The following RBFOX1 variants were observed in gnomAD, a reference collection of about 807,000 sequenced individuals.
RBFOX1 encodes RNA binding protein fox-1 homolog 1.
In RBFOX1, 8 loss-of-function variants were observed where a neutral mutation model predicts 57.7. The observed-to-expected ratio is 0.14, with a 90% CI of 0.08 to 0.25. The LOEUF (loss-of-function observed/expected upper bound fraction) is 0.25, where lower values mean the gene tolerates loss of function less well. Ranked by LOEUF, RBFOX1 falls within the 10% of genes least tolerant of loss-of-function variation. The pLI, the probability that RBFOX1 is intolerant of heterozygous loss-of-function variation, is 1.00. For missense variants in RBFOX1, 611 were observed against 548.5 expected, an observed-to-expected ratio of 1.11 and a Z score of -1.14; for synonymous variants, 326 against 222.4, an observed-to-expected ratio of 1.47 and a Z score of -4.15.
intron 4 of RBFOX1, among the ~76,000 whole-genome samples, chr16:5,919,554 G>A (rs2058775196): frequency 6.6e-6 from 1 of 152,110 alleles, no homozygotes; most frequent in Non-Finnish European, 1.5e-5. Flanking sequence ...ATGTTGGTCA[G>A]GTGGGTCCCA....
intron 4 of RBFOX1, among the ~76,000 whole-genome samples, chr16:5,974,374 C>T (rs549540328): frequency 2.7e-4 from 41 of 151,304 alleles, no homozygotes; most frequent in East Asian, 2.0e-4. Context: ...GTTGGGAGGC[C>T]GAGGCGGGTA....
chr16:6,238,155 T>C (rs895333101), intron 1 of RBFOX1, among the ~76,000 whole-genome samples: 4 of 151,556 alleles, frequency 2.6e-5, no homozygotes, highest in Non-Finnish European at 2.9e-5. Context: ...ATTAGAAATG[T>C]CTGTGAAGTA....
intron 4 of RBFOX1, among the ~76,000 whole-genome samples, chr16:5,977,382 C>A (rs1290444144): frequency 6.6e-6 from 1 of 152,182 alleles, no homozygotes; most frequent in Non-Finnish European, 1.5e-5. Context: ...CCTCCATGGT[C>A]ACTGTGGGAG....
At chr16:5,455,438 A>G (rs1260843111) in intron 1 of RBFOX1, among the ~76,000 whole-genome samples, 2 of 152,148 alleles carry the variant, frequency 1.3e-5, no homozygotes, top group African/African-American at 4.8e-5. Context: ...AAAGGAAGGT[A>G]TATCACTCCA....
At chr16:5,536,215 G>T (rs2044691016) in intron 2 of RBFOX1, among the ~76,000 whole-genome samples, 1 of 140,846 alleles carries the variant, frequency 7.1e-6, no homozygotes. Flanking sequence ...TGCTTTGCTT[G>T]GAAATCTCCT....
chr16:6,684,589 G>C (rs913707778), intron 3 of RBFOX1, among the ~76,000 whole-genome samples: 1 of 152,178 alleles, frequency 6.6e-6, no homozygotes, highest in Non-Finnish European at 1.5e-5. Flanking sequence ...CCTTGAAAAG[G>C]AAGCCAGCTG....
intron 1 of RBFOX1, among the ~76,000 whole-genome samples, chr16:5,416,948 C>T (rs1225358500): frequency 6.6e-6 from 1 of 152,166 alleles, no homozygotes; most frequent in Non-Finnish European, 1.5e-5. Context: ...GCTTATGGAA[C>T]AGGGCACAGC....
chr16:7,167,618 C>T (rs2079834927), intron 4 of RBFOX1, among the ~76,000 whole-genome samples: 2 of 152,192 alleles, frequency 1.3e-5, no homozygotes, highest in South Asian at 2.1e-4. Flanking sequence ...TCTTTTGTTT[C>T]AAGCCACAGT....
At chr16:6,638,142 T>G (rs1054055764) in intron 2 of RBFOX1, among the ~76,000 whole-genome samples, 10 of 152,104 alleles carry the variant, frequency 6.6e-5, no homozygotes, top group African/African-American at 2.4e-4. Context: ...AATCAAGACT[T>G]TAATGGGATT....
intron 4 of RBFOX1, among the ~76,000 whole-genome samples, chr16:5,886,230 A>C (rs965298488): frequency 6.6e-6 from 1 of 152,134 alleles, no homozygotes; most frequent in Non-Finnish European, 1.5e-5. Flanking sequence ...GCAAAAATTG[A>C]CTAATACCGT....
At chr16:6,616,201 G>T (rs1161586689) in intron 2 of RBFOX1, among the ~76,000 whole-genome samples, 1 of 152,060 alleles carries the variant, frequency 6.6e-6, no homozygotes, top group Non-Finnish European at 1.5e-5. Context: ...TTTGGTAACT[G>T]GATAAACAGT....
intron 1 of RBFOX1, among the ~76,000 whole-genome samples, chr16:5,360,739 G>A (rs191037599): frequency 2.0e-5 from 3 of 152,346 alleles, no homozygotes; most frequent in South Asian, 2.1e-4. Context: ...CTCGACAGCT[G>A]CAGAAATGTC....
intron 3 of RBFOX1, among the ~76,000 whole-genome samples, chr16:6,777,497 G>A (rs1287829536): frequency 6.6e-6 from 1 of 152,112 alleles, no homozygotes. Context: ...ATTTTATTAG[G>A]AAGCTTTCTA....
At chr16:6,080,828 G>A (rs1178341842) in intron 1 of RBFOX1, among the ~76,000 whole-genome samples, 1 of 152,132 alleles carries the variant, frequency 6.6e-6, no homozygotes, top group Non-Finnish European at 1.5e-5. Context: ...CATTTTCAGT[G>A]CCCTTTGATG....
intron 3 of RBFOX1, among the ~76,000 whole-genome samples, chr16:6,735,682 C>G (rs532092535): frequency 2.0e-5 from 3 of 152,252 alleles, no homozygotes; most frequent in African/African-American, 7.2e-5. Context: ...CTCTCAGATC[C>G]CTAGGGTTGC....
intron 2 of RBFOX1, among the ~76,000 whole-genome samples, chr16:5,560,093 A>C (rs973316377): frequency 2.6e-5 from 4 of 152,186 alleles, no homozygotes; most frequent in Non-Finnish European, 5.9e-5. Context: ...TGGCCAACAC[A>C]TATTCATTAT....
chr16:6,991,803 C>T (rs919988253), intron 3 of RBFOX1, among the ~76,000 whole-genome samples: 20 of 152,294 alleles, frequency 1.3e-4, no homozygotes, highest in African/African-American at 4.6e-4. Context: ...TTCCAAAGTG[C>T]TGCTAGGATT....
intron 2 of RBFOX1, among the ~76,000 whole-genome samples, chr16:6,514,262 C>T (rs558112725): frequency 2.6e-5 from 4 of 152,272 alleles, no homozygotes; most frequent in South Asian, 2.1e-4. Flanking sequence ...CACACGTACA[C>T]GGGCAATCCT....
chr16:7,632,941 T>A (rs2061215700), intron 11 of RBFOX1, among the ~76,000 whole-genome samples: 1 of 152,208 alleles, frequency 6.6e-6, no homozygotes, highest in Admixed American at 6.5e-5. Flanking sequence ...GTATAGCTAT[T>A]CTAAAGTGAA....
Sources: allele counts gnomAD v4.1 joint callset (sites outside exome capture counted in the v4.1 genomes callset), GRCh38; gene constraint gnomAD v4.1.1; transcripts MANE v1.5; gene names NCBI Gene and HGNC (gene_info 2026-07-23, HGNC 2026-07-21).